The following ARID1A variants were observed in gnomAD, a reference collection of about 807,000 sequenced individuals.
ARID1A encodes the protein AT-rich interaction domain 1A.
Under a neutral mutation model 212.6 loss-of-function variants are expected in ARID1A, and 20 were observed. The ratio of observed to expected loss-of-function variants is 0.09; its 90% confidence interval spans 0.07 to 0.14. The LOEUF (loss-of-function observed/expected upper bound fraction) is 0.14, where lower values mean the gene tolerates loss of function less well. Among genes scored for constraint, ARID1A ranks in the 10% least tolerant of loss-of-function variants. The probability of loss-of-function intolerance (pLI) is 1.00; values close to 1 mark genes in which losing one functional copy is unlikely to be tolerated. For missense variants in ARID1A, 2,587 were observed against 3,059.0 expected, an observed-to-expected ratio of 0.85 and a Z score of 3.64; for synonymous variants, 1,376 against 1,222.1, an observed-to-expected ratio of 1.13 and a Z score of -2.63.
In ARID1A at chr1:26,696,392, A is replaced by G. The variant is rs2080252770; in HGVS notation, c.-12A>G. Reference sequence around the variant, plus strand: ...AGGGCCGGGTCTCTCCGCGGACGAGACAGCGGGGATCATGGCCGCGCAGGT... The same window carrying G: ...AGGGCCGGGTCTCTCCGCGGACGAGGCAGCGGGGATCATGGCCGCGCAGGT... On this transcript the variant is annotated 5_prime_UTR_variant, in exon 1 of 20. Coordinates refer to ENST00000324856, the MANE Select transcript of ARID1A (RefSeq NM_006015.6). 7.9e-7 allele frequency: 1 copy of G among 1,263,758 alleles called. No individual in the cohort carries two copies. Among genetic ancestry groups the G allele is most frequent in the Non-Finnish European group, 9.9e-7 (1 of 1,008,824 alleles). 78.3% of individuals were successfully genotyped at this position (1,263,758 alleles called of 1,614,324 possible).
Position 26,771,338 on chromosome 1 carries a change from G to A in ARID1A, c.3406+12G>A, listed in dbSNP as rs757673703. On this transcript the variant is annotated intron_variant, in intron 12 of 19. Transcript: ENST00000324856. This position sits in a 1 kb window ranked among gnomAD's most constrained non-coding sequence, Gnocchi z 5.4. ...GCCTCCCTCTCCTGGTAAGGATGGG[G>A]TCAGCGGCCCCACCAAGGCTGAGAG... 6.2e-7 allele frequency: 1 copy of A among 1,613,556 alleles called. No individual in the cohort carries two copies. Among genetic ancestry groups the A allele is most frequent in the South Asian group, 1.1e-5 (1 of 91,052 alleles).
chr1:26,703,196 GA>G (rs886350943), intron 1 of ARID1A, among the ~76,000 whole-genome samples: 14 of 152,164 alleles, frequency 9.2e-5, no homozygotes, highest in Admixed American at 7.9e-4. Context: ...AATATTTGGG[GA>G]CTCACTACAT....
At chr1:26,761,283 C>A in intron 5 of ARID1A, 101 bp from the exon 6 acceptor site, 1 of 1,484,314 alleles carries the variant, frequency 6.7e-7, no homozygotes, top group Non-Finnish European at 9.2e-7. Flanking sequence ...CTGGGAGGTA[C>A]TTGGCCTCTT....
Position 26,760,999 on chromosome 1 carries a change from C to T in ARID1A, c.2064C>T (p.His688=), listed in dbSNP as rs772402358. 1.9e-6 allele frequency: 3 copies of T among 1,613,956 alleles called. No homozygotes were observed. Among genetic ancestry groups the T allele is most frequent in the East Asian group, 2.2e-5 (1 of 44,866 alleles). Residue 688 remains histidine, a synonymous_variant, in exon 5 of 20, where the codon CAC becomes CAT. Coordinates refer to ENST00000324856, the MANE Select transcript of ARID1A (RefSeq NM_006015.6). ...CTTTCTCTCCTCATACCTCCCCTCA[C>T]CTGCCTGGCATCCGAGGCCCTTCCC... ...QSPFSPHTSP[H]LPGIRGPSPS... is the part of the protein sequence containing the mutation.
At position 26,731,366 on chromosome 1, in the gene ARID1A, C is replaced by T. The variant is rs2124788972; in HGVS notation, c.1565C>T (p.Pro522Leu). 2 of 1,613,982 alleles carry T rather than the reference C, an allele frequency of 1.2e-6. No individual in the cohort carries two copies. Among genetic ancestry groups the T allele is most frequent in the Non-Finnish European group, 1.7e-6 (2 of 1,179,976 alleles). The part of the protein sequence containing the change: ...QSSQPPYSQQ[P>L]SQPPHQQSPA... ...TCTCAGCCTCCATACTCCCAGCAGC[C>T]ATCCCAGCCTCCACATCAGCAGTCC... The change falls in exon 3 of 20, where the codon CCA becomes CTA. Residue 522 changes from proline to leucine, a missense_variant. This residue lies in a region of ARID1A where 674 missense variants were observed against 813.4 expected (regional missense o/e 0.83). Coordinates refer to ENST00000324856, the MANE Select transcript of ARID1A (RefSeq NM_006015.6).
intron 4 of ARID1A, among the ~76,000 whole-genome samples, chr1:26,746,805 G>A (rs561623876): frequency 6.6e-6 from 1 of 152,374 alleles, no homozygotes; most frequent in South Asian, 2.1e-4. Flanking sequence ...GGGAGGCCAA[G>A]GCGGGCAAAT....
At chr1:26,738,749 G>T (rs376862537) in intron 4 of ARID1A, among the ~76,000 whole-genome samples, 1 of 152,006 alleles carries the variant, frequency 6.6e-6, no homozygotes, top group Non-Finnish European at 1.5e-5. Context: ...AGTAGAGACA[G>T]GGTTTCACCA....
At chr1:26,754,663 C>A (rs1037650395) in intron 4 of ARID1A, among the ~76,000 whole-genome samples, 1 of 152,190 alleles carries the variant, frequency 6.6e-6, no homozygotes, top group South Asian at 2.1e-4. Context: ...AGAGGCGTGA[C>A]CTTTCTCCTC....
chr1:26,772,314 C>A (rs1373635895), intron 12 of ARID1A, 186 bp from the exon 13 acceptor site: 1 of 795,192 alleles, frequency 1.3e-6, no homozygotes, highest in Non-Finnish European at 2.0e-6. Context: ...AAACAAAGAG[C>A]TACAAAACCC....
intron 19 of ARID1A, 137 bp downstream of exon 19, chr1:26,775,844 C>G: frequency 7.4e-7 from 1 of 1,355,068 alleles, no homozygotes; most frequent in South Asian, 1.2e-5. Context: ...ACTTTGCTTC[C>G]TTTGCCTCTG....
At position 26,766,449 on chromosome 1, in the gene ARID1A, T is replaced by A. The variant is rs1471654508; in HGVS notation, c.2879-8T>A. The A allele has an allele frequency of 1.2e-6, 2 of 1,613,918 alleles. No homozygotes were observed. The highest frequency in any genetic ancestry group is 2.2e-5 in the East Asian group (1 of 44,890). ...TACTGGACTTGAGAATTTTTTTCTCTTTTACAGGGATGGCAGCCAGCCCAG... is the reference window on the plus strand; with the variant it reads ...TACTGGACTTGAGAATTTTTTTCTCATTTACAGGGATGGCAGCCAGCCCAG... On this transcript the variant is annotated splice_region_variant and splice_polypyrimidine_tract_variant and intron_variant, in intron 9 of 19. Coordinates refer to ENST00000324856, the MANE Select transcript of ARID1A (RefSeq NM_006015.6).
chr1:26,713,198 G>T (rs778531235), intron 1 of ARID1A, among the ~76,000 whole-genome samples: 127 of 152,066 alleles, frequency 8.4e-4, no homozygotes, highest in Non-Finnish European at 1.3e-3. Context: ...CTCTGTTCTT[G>T]GCTTTTTCTT....
At chr1:26,733,660 G>T (rs951629600) in intron 4 of ARID1A, among the ~76,000 whole-genome samples, 1 of 152,150 alleles carries the variant, frequency 6.6e-6, no homozygotes, top group African/African-American at 2.4e-5. Context: ...AAGTTAATCT[G>T]CTGGGCACAG....
At chr1:26,760,708 T>A (rs906162315) in intron 4 of ARID1A, 148 bp from the exon 5 acceptor site, 33 of 836,614 alleles carry the variant, frequency 3.9e-5, no homozygotes, top group Middle Eastern at 3.9e-4. Context: ...TTTTTTTTTT[T>A]AATAAAAATA....
chr1:26,775,451 T>C, intron 18 of ARID1A, 126 bp from the exon 19 acceptor site: 9 of 1,440,276 alleles, frequency 6.2e-6, no homozygotes, highest in African/African-American at 1.4e-5. Flanking sequence ...GTGTGTTTCA[T>C]CTCCCAGACA....
At chr1:26,709,112 A>G (rs1004221860) in intron 1 of ARID1A, among the ~76,000 whole-genome samples, 2 of 152,202 alleles carry the variant, frequency 1.3e-5, no homozygotes, top group Non-Finnish European at 1.5e-5. Context: ...TTAGGGCAGT[A>G]TGACTTTAGG....
At chr1:26,772,428 G>A (rs970910280) in intron 12 of ARID1A, 72 bp from the exon 13 acceptor site, 99 of 1,601,992 alleles carry the variant, frequency 6.2e-5, no homozygotes, top group Middle Eastern at 1.7e-4. Context: ...ATTCTGGGTC[G>A]TTCGTGTGTT....
chr1:26,742,385 G>T (rs1310181470), intron 4 of ARID1A, among the ~76,000 whole-genome samples: 1 of 152,136 alleles, frequency 6.6e-6, no homozygotes, highest in African/African-American at 2.4e-5. Context: ...ACTAGAGTTT[G>T]GTTATTTGGT....
chr1:26,758,412 C>T (rs1570600145), intron 4 of ARID1A, among the ~76,000 whole-genome samples: 2 of 152,202 alleles, frequency 1.3e-5, no homozygotes, highest in Admixed American at 1.3e-4. Flanking sequence ...AGAATCCCTT[C>T]TCTACACACA....
Sources: gnomAD v4.1 joint callset for allele counts (sites outside exome capture counted in the v4.1 genomes callset) on GRCh38, gnomAD v4.1.1 for gene constraint, gnomAD v4.1.1 regional missense constraint, Gnocchi (gnomAD v3.1) non-coding constraint, MANE v1.5 for transcripts, NCBI Gene and HGNC (gene_info 2026-07-23, HGNC 2026-07-21) for gene names.